The following AGFG1 variants were observed in gnomAD, a reference collection of about 807,000 sequenced individuals.
AGFG1 encodes arf-GAP domain and FG repeat-containing protein 1.
AGFG1 carries 10 observed loss-of-function variants against 60.6 expected under a neutral mutation model. The observed-to-expected ratio is 0.16, with a 90% CI of 0.10 to 0.28. The LOEUF is 0.28. AGFG1 is among the 10% of genes least tolerant of loss of function. The probability of loss-of-function intolerance (pLI) is 1.00; values close to 1 mark genes in which losing one functional copy is unlikely to be tolerated. For synonymous variants in AGFG1, 247 were observed against 242.9 expected (o/e 1.02, Z -0.16); for missense variants, 537 against 676.5 (o/e 0.79, Z 2.29).
In AGFG1 at chr2:227,554,542, A is replaced by G; in HGVS notation, c.*47A>G. The G allele has an allele frequency of 4.2e-6, 6 of 1,431,508 alleles. No homozygotes were observed. Among genetic ancestry groups the G allele is most frequent in the Non-Finnish European group, 5.9e-6 (6 of 1,018,914 alleles). 88.7% of individuals were successfully genotyped at this position (1,431,508 alleles called of 1,614,324 possible). A position where few individuals can be genotyped will look rare whatever the true frequency, so the allele number is the denominator to read the frequency against. The stretch of plus-strand genomic sequence containing the variant: ...GAACGAACTTTTATGTGGTCACATT[A>G]CATCTCTCCACCTCTTGCACTGTTG... On this transcript the variant is annotated 3_prime_UTR_variant, in exon 13 of 13. Coordinates refer to ENST00000310078, the MANE Select transcript of AGFG1 (RefSeq NM_004504.5).
chr2:227,515,587 T>G (rs575998953), intron 2 of AGFG1, among the ~76,000 whole-genome samples: 1 of 152,272 alleles, frequency 6.6e-6, no homozygotes, highest in South Asian at 2.1e-4. Flanking sequence ...TAATCACCTT[T>G]TTCCAACTTC....
rs11687305 is a variant in AGFG1 at position 227,508,353 on chromosome 2, A to T, written c.262-11595A>T. The T allele has an allele frequency of 7.3e-3, 1,799 of 247,802 alleles. 14 individuals carry two copies. Among genetic ancestry groups the T allele is most frequent in the Middle Eastern group, 0.015 (9 of 588 alleles). 15.4% of individuals were successfully genotyped at this position (247,802 alleles called of 1,614,324 possible). ...TATTGATGATATCCTTAAACCATAG[A>T]TAATCCACAAACAATTCTTACTTCA... On this transcript the variant is annotated intron_variant, in intron 2 of 12. Transcript: ENST00000310078.
chr2:227,490,748 A>T lies in AGFG1; in HGVS notation c.168-799A>T, dbSNP rs532579134. Among the ~76,000 whole-genome samples, 4 of 152,312 alleles carry T rather than the reference A, an allele frequency of 2.6e-5. No homozygotes were observed. In the East Asian group the frequency reaches 7.7e-4, roughly 29 times the overall value. On this transcript the variant is annotated intron_variant, in intron 1 of 12. Coordinates refer to ENST00000310078, the MANE Select transcript of AGFG1 (RefSeq NM_004504.5). ...TCTTGTGGGTGGACCTGCCCACAAG[A>T]TAGTTGGACAACATGTAAATAGTTA...
At chr2:227,535,543 C>T (rs1458945118) in intron 8 of AGFG1, among the ~76,000 whole-genome samples, 1 of 152,078 alleles carries the variant, frequency 6.6e-6, no homozygotes, top group African/African-American at 2.4e-5. Flanking sequence ...GAATTCTTGG[C>T]AGTAGGAAGT....
At chr2:227,489,744 C>T (rs1690746426) in intron 1 of AGFG1, among the ~76,000 whole-genome samples, 1 of 152,002 alleles carries the variant, frequency 6.6e-6, no homozygotes, top group Admixed American at 6.6e-5. Flanking sequence ...TGACATTTAT[C>T]TGTGACAAGG....
intron 1 of AGFG1, 98 bp downstream of exon 1, chr2:227,472,686 G>A (rs1390242352): frequency 1.3e-5 from 17 of 1,332,562 alleles, no homozygotes; most frequent in Non-Finnish European, 1.2e-5. Context: ...AAAGAGCCGG[G>A]TGCCGTGGGA....
intron 1 of AGFG1, among the ~76,000 whole-genome samples, chr2:227,478,487 G>T (rs1347068769): frequency 3.9e-5 from 6 of 152,008 alleles, no homozygotes; most frequent in South Asian, 2.1e-4. Flanking sequence ...GGGACTACAG[G>T]CGCGTGCCAC....
chr2:227,533,345 T>C (rs1692216909), intron 6 of AGFG1, among the ~76,000 whole-genome samples: 1 of 152,202 alleles, frequency 6.6e-6, no homozygotes, highest in South Asian at 2.1e-4. Flanking sequence ...CATGTTACTT[T>C]ACCTGTTGCC....
At chr2:227,496,129 A>AAAG (rs2106175135) in intron 2 of AGFG1, among the ~76,000 whole-genome samples, 2 of 90,602 alleles carry the variant, frequency 2.2e-5, no homozygotes, top group East Asian at 3.5e-4. Context: ...AAAAAAGAAA[A>AAAG]AAAAAGAAGA....
intron 1 of AGFG1, among the ~76,000 whole-genome samples, chr2:227,482,332 A>G (rs1445659364): frequency 2.6e-5 from 4 of 152,210 alleles, no homozygotes; most frequent in Admixed American, 1.3e-4. Flanking sequence ...TTATTATTAT[A>G]TATAGAAAGC....
rs1263131400 is a variant in AGFG1, at chr2:227,479,903, A to AC, written c.167+7315_167+7316insC. Among the ~76,000 whole-genome samples, 6 of 152,342 alleles carry AC rather than the reference A, an allele frequency of 3.9e-5. No homozygotes were observed. In the East Asian group the frequency reaches 7.7e-4, roughly 20 times the overall value. ...GCTATTCAGTGGGGACAGGAAACTT[A>AC]TTTGAGTTGTTTGAAATACAGAGAA... On this transcript the variant is annotated intron_variant, in intron 1 of 12. Transcript: ENST00000310078.
chr2:227,552,662 TTTC>T (rs1330036346), intron 11 of AGFG1, among the ~76,000 whole-genome samples: 1 of 151,536 alleles, frequency 6.6e-6, no homozygotes, highest in Admixed American at 6.6e-5. Flanking sequence ...AACTATGTGG[TTTC>T]TTTTTTCTTT....
chr2:227,534,877 G>A lies in AGFG1; in HGVS notation c.1057G>A (p.Gly353Ser), dbSNP rs770857353. The A allele has an allele frequency of 6.2e-7, 1 of 1,613,774 alleles. No individual in the cohort carries two copies. The highest frequency in any genetic ancestry group is 8.5e-7 in the Non-Finnish European group (1 of 1,179,802). Residue 353 changes from glycine (G) to serine (S), a missense_variant, in exon 8 of 13, where the codon GGT becomes AGT. Coordinates refer to ENST00000310078, the MANE Select transcript of AGFG1 (RefSeq NM_004504.5). Reference protein sequence around the residue: ...GDQGSGFGTTGKAPVGSVVSV... With the variant: ...GDQGSGFGTTSKAPVGSVVSV... ...TCAGGGAAGTGGCTTTGGGACCACA[G>A]GTAAAGCTCCTGTTGGTTCTGTGGT...
At chr2:227,514,401 A>G (rs574659917) in intron 2 of AGFG1, among the ~76,000 whole-genome samples, 1 of 152,190 alleles carries the variant, frequency 6.6e-6, no homozygotes, top group Non-Finnish European at 1.5e-5. Flanking sequence ...TGTTCTTAGT[A>G]GAGACGGGGT....
chr2:227,506,934 A>C (rs1472603925), intron 2 of AGFG1, among the ~76,000 whole-genome samples: 2 of 152,066 alleles, frequency 1.3e-5, no homozygotes, highest in Non-Finnish European at 2.9e-5. Context: ...GTTTCTTAAG[A>C]TTCAGGCTTA....
intron 10 of AGFG1, among the ~76,000 whole-genome samples, chr2:227,549,730 A>G (rs1007261921): frequency 7.9e-5 from 12 of 152,214 alleles, no homozygotes; most frequent in Non-Finnish European, 1.3e-4. Context: ...ATTTAGATGT[A>G]GCTTATGATG....
At chr2:227,504,404 G>A (rs1238195962) in intron 2 of AGFG1, among the ~76,000 whole-genome samples, 1 of 152,074 alleles carries the variant, frequency 6.6e-6, no homozygotes, top group South Asian at 2.1e-4. Flanking sequence ...TGTTGCCCAG[G>A]CTGGTCTCTA....
intron 2 of AGFG1, among the ~76,000 whole-genome samples, chr2:227,497,296 C>T (rs1029007664): frequency 6.6e-6 from 1 of 151,992 alleles, no homozygotes; most frequent in African/African-American, 2.4e-5. Flanking sequence ...AACGTTTCAG[C>T]TTGCAATGTA....
chr2:227,552,546 AGTTT>A (rs746252819), intron 11 of AGFG1, among the ~76,000 whole-genome samples: 1 of 152,036 alleles, frequency 6.6e-6, no homozygotes, highest in Non-Finnish European at 1.5e-5. Flanking sequence ...CTGTAGTTAG[AGTTT>A]GTTATTTGAT....
Sources: gnomAD v4.1 joint callset for allele counts (sites outside exome capture counted in the v4.1 genomes callset) on GRCh38, gnomAD v4.1.1 for gene constraint, MANE v1.5 for transcripts, NCBI Gene and HGNC (gene_info 2026-07-23, HGNC 2026-07-21) for gene names.